The following SPA17 variants were observed in gnomAD, a reference collection of about 807,000 sequenced individuals.
SPA17 encodes sperm autoantigenic protein 17.
Under a neutral mutation model 13.8 loss-of-function variants are expected in SPA17, and 7 were observed. That is an observed-to-expected ratio of 0.51 (90% CI 0.29 to 0.95). The LOEUF is 0.95. Among genes scored for constraint, SPA17 ranks in the 40% least tolerant of loss-of-function variants. The probability of loss-of-function intolerance (pLI) is 0.08; values close to 1 mark genes in which losing one functional copy is unlikely to be tolerated. For synonymous variants in SPA17, 61 were observed against 59.0 expected (o/e 1.03, Z -0.16); for missense variants, 170 against 179.3 (o/e 0.95, Z 0.30).
At chr11:124,693,203 A>G (rs939290901) in intron 4 of SPA17, among the ~76,000 whole-genome samples, 4 of 152,264 alleles carry the variant, frequency 2.6e-5, no homozygotes, top group Non-Finnish European at 5.9e-5. Context: ...GAAGAATTTT[A>G]TACCATTCTG....
chr11:124,677,958 T>C lies in SPA17; in HGVS notation c.154+2540T>C, dbSNP rs1022517730. Among the ~76,000 whole-genome samples the C allele has an allele frequency of 5.9e-5, 9 of 152,340 alleles. No homozygotes were observed. In the East Asian group the frequency reaches 1.3e-3, roughly 23 times the overall value. ...TACCAATAACAACCCCTCCATTACATTGGCAAAAAGCCAACATGCTCTGTA... is the reference window on the plus strand; with the variant it reads ...TACCAATAACAACCCCTCCATTACACTGGCAAAAAGCCAACATGCTCTGTA... On this transcript the variant is annotated intron_variant, in intron 2 of 4. Transcript: ENST00000227135.
At chr11:124,678,775 C>T (rs1218539862) in intron 2 of SPA17, among the ~76,000 whole-genome samples, 1 of 151,918 alleles carries the variant, frequency 6.6e-6, no homozygotes, top group African/African-American at 2.4e-5. Flanking sequence ...GCCATGTTAT[C>T]GAGGCTGGTC....
chr11:124,682,429 A>G (rs1943537231), intron 3 of SPA17, among the ~76,000 whole-genome samples: 1 of 152,156 alleles, frequency 6.6e-6, no homozygotes, highest in African/African-American at 2.4e-5. Flanking sequence ...AACTCAAAAT[A>G]CTGATTTTTA....
chr11:124,681,509 C>T (rs1943530304), intron 3 of SPA17, 50 bp downstream of exon 3: 1 of 1,403,952 alleles, frequency 7.1e-7, no homozygotes, highest in Non-Finnish European at 9.5e-7. Context: ...TCTCTGTCTA[C>T]AGCTAGCAAT....
chr11:124,687,377 A>G (rs1591406665), intron 3 of SPA17, among the ~76,000 whole-genome samples: 1 of 152,274 alleles, frequency 6.6e-6, no homozygotes, highest in East Asian at 1.9e-4. Context: ...CTACATACAA[A>G]GGAGAGCTAA....
At position 124,694,825 on chromosome 11, in the gene SPA17, G is replaced by A. The variant is rs1943657343; in HGVS notation, c.*379G>A. 6.5e-6 allele frequency: 1 copy of A among 154,866 alleles called. No homozygotes were observed. The highest frequency in any genetic ancestry group is 1.4e-5 in the Non-Finnish European group (1 of 69,924). 9.6% of individuals were successfully genotyped at this position (154,866 alleles called of 1,614,324 possible). ...TTTAGCTCCTGTTTCACTCCTAGTG[G>A]TAAAGAATTTCACTGCTTTTTAAGG... On this transcript the variant is annotated 3_prime_UTR_variant, in exon 5 of 5. Transcript: ENST00000227135.
At position 124,695,704 on chromosome 11, in the gene SPA17, A is replaced by T. The variant is rs1474794288; in HGVS notation, c.*1258A>T. On this transcript the variant is annotated 3_prime_UTR_variant, in exon 5 of 5. Coordinates refer to ENST00000227135, the MANE Select transcript of SPA17 (RefSeq NM_017425.4). ...GCTGGTTCCAATTCCTGCCTGCACC[A>T]TAGTGGATGGCCCATGATTTAGTTC... is the stretch of plus-strand genomic sequence containing the variant. 1 of 152,284 alleles carries T rather than the reference A, an allele frequency of 6.6e-6. No homozygotes were observed. Among genetic ancestry groups the T allele is most frequent in the South Asian group, 2.1e-4 (1 of 4,836 alleles). The allele number at this position is 152,284 out of a possible 1,614,324, so 9.4% of individuals were successfully genotyped here.
intron 1 of SPA17, 168 bp downstream of exon 1, chr11:124,674,120 C>G: frequency 4.5e-6 from 1 of 224,478 alleles, no homozygotes; most frequent in Non-Finnish European, 9.0e-6. Context: ...ACATCCCGCC[C>G]CCGACTAGAC....
Position 124,681,457 on chromosome 11 carries a change from G to C in SPA17, c.223G>C (p.Glu75Gln). Residue 75 changes from glutamate to glutamine, a missense_variant and splice_region_variant, in exon 3 of 5, where the codon GAG (glutamate) becomes CAG (glutamine). Transcript: ENST00000227135. ...CCGCTTCTATAACAATCATGCATTCGAGGTATGGTCCTTTGAAGCTGTTGG... is the reference window on the plus strand; with the variant it reads ...CCGCTTCTATAACAATCATGCATTCCAGGTATGGTCCTTTGAAGCTGTTGG... ...EDRFYNNHAF[E>Q]EQEPPEKSDP... 1 of 1,579,868 alleles carries C rather than the reference G, an allele frequency of 6.3e-7. No individual in the cohort carries two copies. The highest frequency in any genetic ancestry group is 8.6e-7 in the Non-Finnish European group (1 of 1,160,158).
intron 4 of SPA17, 124 bp downstream of exon 4, chr11:124,691,906 A>C: frequency 1.9e-6 from 1 of 533,288 alleles, no homozygotes; most frequent in Non-Finnish European, 3.1e-6. Context: ...TACTTTCCAG[A>C]TAATTAACAT....
intron 3 of SPA17, among the ~76,000 whole-genome samples, chr11:124,685,701 A>T (rs183414687): frequency 1.3e-5 from 2 of 152,322 alleles, no homozygotes; most frequent in African/African-American, 4.8e-5. Flanking sequence ...AGGCCATGGG[A>T]TCCCACTTGT....
At chr11:124,687,667 G>C (rs1237626008) in intron 3 of SPA17, among the ~76,000 whole-genome samples, 2 of 152,206 alleles carry the variant, frequency 1.3e-5, no homozygotes, top group East Asian at 3.9e-4. Context: ...CAATAAATGT[G>C]ATACATCACA....
At chr11:124,689,757 CAA>C (rs111288424) in intron 3 of SPA17, among the ~76,000 whole-genome samples, 3 of 114,372 alleles carry the variant, frequency 2.6e-5, no homozygotes. Context: ...GACCCTGTCT[CAA>C]AAAAAAAAAG....
At chr11:124,692,027 A>T (rs940151254) in intron 4 of SPA17, among the ~76,000 whole-genome samples, 2 of 152,172 alleles carry the variant, frequency 1.3e-5, no homozygotes, top group African/African-American at 4.8e-5. Flanking sequence ...TGGATGGAAA[A>T]ATCTCCCTAT....
rs1294565356 is a variant in SPA17, at chr11:124,694,678, G to T, written c.*232G>T. The T allele has an allele frequency of 3.0e-5, 13 of 429,004 alleles. No homozygotes were observed. Among genetic ancestry groups the T allele is most frequent in the Non-Finnish European group, 4.5e-5 (11 of 244,124 alleles). 26.6% of individuals were successfully genotyped at this position (429,004 alleles called of 1,614,324 possible). On this transcript the variant is annotated 3_prime_UTR_variant, in exon 5 of 5. Transcript: ENST00000227135. Reference sequence around the variant, plus strand: ...TACACTTGTCTCAAGCCTATCTATAGAGACCCTTGGATTTAGAATTATAGA... The same window carrying T: ...TACACTTGTCTCAAGCCTATCTATATAGACCCTTGGATTTAGAATTATAGA...
chr11:124,694,569 T>G lies in SPA17; in HGVS notation c.*123T>G. ...TGTGAAATAACATTCGTTACTGTTG[T>G]GAAAATCTGTCATGAGCATTTGTTT... On this transcript the variant is annotated 3_prime_UTR_variant, in exon 5 of 5. Coordinates refer to ENST00000227135, the MANE Select transcript of SPA17 (RefSeq NM_017425.4). 7.7e-7 allele frequency: 1 copy of G among 1,304,046 alleles called. No homozygotes were observed. Among genetic ancestry groups the G allele is most frequent in the Non-Finnish European group, 1.1e-6 (1 of 950,898 alleles). The allele number at this position is 1,304,046 out of a possible 1,614,324, so 80.8% of individuals were successfully genotyped here.
rs965537566 is a variant in SPA17, at chr11:124,695,133, C to T, written c.*687C>T. 2 of 152,706 alleles carry T rather than the reference C, an allele frequency of 1.3e-5. No individual in the cohort carries two copies. Among genetic ancestry groups the T allele is most frequent in the African/African-American group, 2.4e-5 (1 of 41,442 alleles). The allele number at this position is 152,706 out of a possible 1,614,324, so 9.5% of individuals were successfully genotyped here. On this transcript the variant is annotated 3_prime_UTR_variant, in exon 5 of 5. Transcript: ENST00000227135. ...AAAACAAAACAAAACAAAAAAAAGC[C>T]TCTGCCTCCTTGTAAGTTTAACCCA... is the stretch of plus-strand genomic sequence containing the variant.
intron 3 of SPA17, among the ~76,000 whole-genome samples, chr11:124,685,107 G>A (rs186821867): frequency 1.1e-4 from 16 of 152,362 alleles, no homozygotes; most frequent in African/African-American, 3.1e-4. Context: ...TGTCTCCAGG[G>A]TATGTCAGAG....
At chr11:124,683,361 T>G (rs1943545586) in intron 3 of SPA17, among the ~76,000 whole-genome samples, 1 of 151,950 alleles carries the variant, frequency 6.6e-6, no homozygotes, top group Non-Finnish European at 1.5e-5. Flanking sequence ...CACTACAGAA[T>G]TCCACCAGTC....
Sources: gnomAD v4.1 joint callset for allele counts (sites outside exome capture counted in the v4.1 genomes callset) on GRCh38, gnomAD v4.1.1 for gene constraint, MANE v1.5 for transcripts, NCBI Gene and HGNC (gene_info 2026-07-23, HGNC 2026-07-21) for gene names.